PISD: variants seen among roughly 807,000 people sequenced by gnomAD.
The protein encoded by PISD is phosphatidylserine decarboxylase, also known as phosphatidylserine decarboxylase proenzyme, mitochondrial.
Under a neutral mutation model 43.5 loss-of-function variants are expected in PISD, and 31 were observed. That is an observed-to-expected ratio of 0.71 (90% CI 0.54 to 0.96). The LOEUF (loss-of-function observed/expected upper bound fraction) is 0.96. Ranked by LOEUF, PISD falls within the 40% of genes least tolerant of loss-of-function variation. The pLI is 0.00. For synonymous variants in PISD, 259 were observed against 228.7 expected (o/e 1.13, Z -1.20); for missense variants, 523 against 548.4 (o/e 0.95, Z 0.46).
At chr22:31,619,988 C>T in intron 7 of PISD, 152 bp from the exon 8 acceptor site, 1 of 620,844 alleles carries the variant, frequency 1.6e-6, no homozygotes, top group Non-Finnish European at 2.9e-6. Flanking sequence ...ATCTCAGGGC[C>T]AGGTGGGCCT....
At chr22:31,643,462 G>A (rs1364281095) in intron 3 of PISD, among the ~76,000 whole-genome samples, 2 of 151,984 alleles carry the variant, frequency 1.3e-5, no homozygotes, top group South Asian at 2.1e-4. Context: ...CTACCCTGGC[G>A]AAGTGGCACA....
At chr22:31,661,848 G>A (rs1452595568) in intron 1 of PISD, among the ~76,000 whole-genome samples, 2 of 152,232 alleles carry the variant, frequency 1.3e-5, no homozygotes, top group African/African-American at 4.8e-5. Context: ...ACATCTGAAA[G>A]CCCTGCCTCG....
Position 31,620,531 on chromosome 22 carries a change from G to T in PISD, c.1005+22C>A, listed in dbSNP as rs751799680. The T allele has an allele frequency of 4.3e-6, 7 of 1,612,674 alleles. No homozygotes were observed. In the Admixed American group the frequency reaches 6.7e-5, roughly 15 times the overall value. ...CAAGAGGTCTGGCCCTTGGGCTTTG[G>T]CAGGGCCTAGATCCTGCTTACCCGG... On this transcript the variant is annotated intron_variant, in intron 7 of 7. Coordinates refer to ENST00000439502, the MANE Select transcript of PISD (RefSeq NM_001326411.2).
chr22:31,621,569 T>C, intron 4 of PISD, 80 bp downstream of exon 4: 1 of 1,595,040 alleles, frequency 6.3e-7, no homozygotes, highest in Non-Finnish European at 8.6e-7. Flanking sequence ...CCCTTCCAGA[T>C]ACGCTGGAGA....
chr22:31,652,995 C>T (rs576038772), intron 1 of PISD, among the ~76,000 whole-genome samples: 12 of 149,014 alleles, frequency 8.1e-5, no homozygotes, highest in East Asian at 2.0e-4. Flanking sequence ...GCCGAAAACA[C>T]GCTACTGTAC....
At chr22:31,620,965 G>A in intron 6 of PISD, 31 bp downstream of exon 6, 3 of 1,591,466 alleles carry the variant, frequency 1.9e-6, no homozygotes, top group South Asian at 2.2e-5. Flanking sequence ...GCCCACAGAG[G>A]CAGCTCCCCC....
In PISD at chr22:31,625,849, T is replaced by C. The variant is rs748613360; in HGVS notation, c.322-3964A>G. On this transcript the variant is annotated intron_variant, in intron 3 of 7. Coordinates refer to ENST00000439502, the MANE Select transcript of PISD (RefSeq NM_001326411.2). ...GCAGGGAGGGCGGGGCGAGGCTCAC[T>C]CGATCACTCCCTTTGTTTTCCTCTT... The C allele has an allele frequency of 4.4e-6, 7 of 1,580,378 alleles. No individual in the cohort carries two copies. The Admixed American group carries it at 5.5e-5, about 12-fold the overall frequency.
Position 31,619,334 on chromosome 22 carries a change from T to C in PISD, c.*278A>G, listed in dbSNP as rs1406516361. 1 of 485,428 alleles carries C rather than the reference T, an allele frequency of 2.1e-6. No homozygotes were observed. The highest frequency in any genetic ancestry group is 3.9e-6 in the Non-Finnish European group (1 of 258,584). The allele number at this position is 485,428 out of a possible 1,614,324, so 30.1% of individuals were successfully genotyped here. A position where few individuals can be genotyped will look rare whatever the true frequency, so the allele number is the denominator to read the frequency against. On this transcript the variant is annotated 3_prime_UTR_variant, in exon 8 of 8. Coordinates refer to ENST00000439502, the MANE Select transcript of PISD (RefSeq NM_001326411.2). ...CAGGCTCTTCCGTCTATACAGTGTTTAAAAAGATCCAAATGTGACTGAGAT... is the reference window on the plus strand; with the variant it reads ...CAGGCTCTTCCGTCTATACAGTGTTCAAAAAGATCCAAATGTGACTGAGAT...
At chr22:31,645,531 C>G (rs1004862766) in intron 3 of PISD, among the ~76,000 whole-genome samples, 1 of 150,102 alleles carries the variant, frequency 6.7e-6, no homozygotes, top group Middle Eastern at 3.2e-3. Flanking sequence ...ATGGTGAAAC[C>G]CTGTCTCTTT....
intron 3 of PISD, chr22:31,625,880 C>G: frequency 6.4e-7 from 1 of 1,551,004 alleles, no homozygotes; most frequent in Non-Finnish European, 8.7e-7. Context: ...CTCTTTCCTC[C>G]CCTTCCCCCG....
chr22:31,619,042 T>C lies in PISD; in HGVS notation c.*570A>G. On this transcript the variant is annotated 3_prime_UTR_variant, in exon 8 of 8. Coordinates refer to ENST00000439502, the MANE Select transcript of PISD (RefSeq NM_001326411.2). ...AAGACACTAGCAGAGTCCAGGGTGA[T>C]GCGTTCAGCCACAAGCACAAAGACT... 4.5e-6 allele frequency: 1 copy of C among 220,696 alleles called. No homozygotes were observed. Among genetic ancestry groups the C allele is most frequent in the Admixed American group, 5.3e-5 (1 of 19,046 alleles). The allele number at this position is 220,696 out of a possible 1,614,324, so 13.7% of individuals were successfully genotyped here. A position where few individuals can be genotyped will look rare whatever the true frequency, so the allele number is the denominator to read the frequency against.
At position 31,620,681 on chromosome 22, in the gene PISD, G is replaced by A. The variant is rs770277250; in HGVS notation, c.877C>T (p.Arg293Cys). The A allele has an allele frequency of 8.7e-6, 14 of 1,614,078 alleles. No individual in the cohort carries two copies. Among genetic ancestry groups the A allele is most frequent in the Admixed American group, 6.7e-5 (4 of 60,010 alleles). The part of the protein sequence containing the change: ...SLMSVNPGMA[R>C]WIKELFCHNE... ...TGGCAGAAGAGCTCTTTGATCCAGC[G>A]AGCCATGCCAGGGTTCACTGACATC... Residue 293 changes from arginine (R) to cysteine (C), a missense_variant, in exon 7 of 8, where the codon CGC becomes TGC. Transcript: ENST00000439502.
chr22:31,618,785 A>C lies in PISD; in HGVS notation c.*827T>G. 2 of 181,086 alleles carry C rather than the reference A, an allele frequency of 1.1e-5. No homozygotes were observed. The highest frequency in any genetic ancestry group is 1.4e-4 in the East Asian group (1 of 7,010). 11.2% of individuals were successfully genotyped at this position (181,086 alleles called of 1,614,324 possible). A position where few individuals can be genotyped will look rare whatever the true frequency, so the allele number is the denominator to read the frequency against. On this transcript the variant is annotated 3_prime_UTR_variant, in exon 8 of 8. Coordinates refer to ENST00000439502, the MANE Select transcript of PISD (RefSeq NM_001326411.2). ...TGCCTCCAAGACAGACCCTGAATCA[A>C]TAGCAGCAACTTTCCCATATTTCAT...
intron 1 of PISD, among the ~76,000 whole-genome samples, chr22:31,655,306 G>T (rs901210531): frequency 6.7e-6 from 1 of 148,298 alleles, no homozygotes; most frequent in Non-Finnish European, 1.5e-5. Flanking sequence ...AGCCACTCAG[G>T]TACAACCCCC....
At chr22:31,650,800 C>T (rs2074010584) in intron 1 of PISD, 22 bp from the exon 2 acceptor site, 5 of 1,427,432 alleles carry the variant, frequency 3.5e-6, no homozygotes, top group Non-Finnish European at 4.8e-6. Flanking sequence ...CAAAAATGAA[C>T]CATTAAATAT....
At chr22:31,625,565 T>C (rs2072859438) in intron 3 of PISD, 8 of 638,708 alleles carry the variant, frequency 1.3e-5, no homozygotes, top group South Asian at 9.7e-5. Context: ...CTCCTCATGG[T>C]TGGAACCAAA....
chr22:31,628,897 G>GT, intron 3 of PISD: 2 of 985,322 alleles, frequency 2.0e-6, no homozygotes, highest in Non-Finnish European at 2.4e-6. Flanking sequence ...GGGGGCAGGG[G>GT]TTTCCACCAC....
intron 3 of PISD, among the ~76,000 whole-genome samples, chr22:31,632,828 T>G (rs2073265763): frequency 6.6e-6 from 1 of 152,226 alleles, no homozygotes; most frequent in South Asian, 2.1e-4. Context: ...TTAGAAATGT[T>G]TGGGGTCTTT....
intron 3 of PISD, among the ~76,000 whole-genome samples, chr22:31,646,655 CTTGGGT>C (rs1277130964): frequency 2.0e-5 from 3 of 152,114 alleles, no homozygotes; most frequent in Non-Finnish European, 4.4e-5. Flanking sequence ...AAGATGTCAG[CTTGGGT>C]TTAACACTTG....
Sources: gnomAD v4.1 joint callset for allele counts (sites outside exome capture counted in the v4.1 genomes callset) on GRCh38, gnomAD v4.1.1 for gene constraint, MANE v1.5 for transcripts, NCBI Gene and HGNC (gene_info 2026-07-23, HGNC 2026-07-21) for gene names.